The following RIMS1 variants were observed in gnomAD, a reference collection of about 807,000 sequenced individuals.
The protein encoded by RIMS1 is regulating synaptic membrane exocytosis protein 1.
In RIMS1, 83 loss-of-function variants were observed where a neutral mutation model predicts 214.1. The observed-to-expected ratio is 0.39, with a 90% CI of 0.32 to 0.47. RIMS1 has a LOEUF of 0.47. RIMS1 is among the 20% of genes least tolerant of loss of function. RIMS1 has a pLI of 0.99. For synonymous variants in RIMS1, 793 were observed against 786.8 expected (o/e 1.01, Z -0.13); for missense variants, 2,050 against 2,161.8 (o/e 0.95, Z 1.03).
chr6:72,036,298 A>G (rs1252430530), intron 2 of RIMS1, among the ~76,000 whole-genome samples: 1 of 152,226 alleles, frequency 6.6e-6, no homozygotes, highest in Non-Finnish European at 1.5e-5. Context: ...AATATAATAC[A>G]GAAAGGCAAG....
intron 2 of RIMS1, among the ~76,000 whole-genome samples, chr6:72,044,853 T>C (rs917950364): frequency 1.3e-5 from 2 of 151,928 alleles, no homozygotes; most frequent in African/African-American, 4.8e-5. Context: ...AACTCTTAGA[T>C]ATTTAGCCAA....
intron 2 of RIMS1, among the ~76,000 whole-genome samples, chr6:72,089,578 G>A (rs1835614189): frequency 6.6e-6 from 1 of 152,000 alleles, no homozygotes; most frequent in South Asian, 2.1e-4. Context: ...CTCCTGAGTA[G>A]CTGGGTCTAC....
chr6:71,914,293 C>T (rs1480405008), intron 1 of RIMS1, among the ~76,000 whole-genome samples: 1 of 151,868 alleles, frequency 6.6e-6, no homozygotes, highest in African/African-American at 2.4e-5. Flanking sequence ...ACTTAGAATG[C>T]CAAACCAGAT....
chr6:72,166,306 T>G (rs2046258766), intron 4 of RIMS1, among the ~76,000 whole-genome samples: 1 of 151,248 alleles, frequency 6.6e-6, no homozygotes, highest in Non-Finnish European at 1.5e-5. Context: ...GTCTGTTTTT[T>G]TTTTTTTTTA....
In RIMS1 at chr6:72,196,595, T is replaced by TTTTTTTTTTTTTTTTG. The variant is rs2051005615; in HGVS notation, c.1678+13454_1678+13455insTTTTTTTGTTTTTTTT. Among the ~76,000 whole-genome samples, 2 of 132,544 alleles carry TTTTTTTTTTTTTTTTG rather than the reference T, an allele frequency of 1.5e-5. 1 individual carries two copies. Among genetic ancestry groups the TTTTTTTTTTTTTTTTG allele is most frequent in the African/African-American group, 5.5e-5 (2 of 36,504 alleles). 87.0% of individuals were successfully genotyped at this position (132,544 alleles called of 152,430 possible). ...GCCAGCTGCACTTTTTTTTTTTTTTTTTTTTTTTACCTATACAGGAAATGG... is the reference window on the plus strand; with the variant it reads ...GCCAGCTGCACTTTTTTTTTTTTTTTTTTTTTTTTTTTTTTGTTTTTTTTACCTATACAGGAAATGG... On this transcript the variant is annotated intron_variant, in intron 6 of 33. Transcript: ENST00000521978.
intron 6 of RIMS1, chr6:72,216,384 G>A: frequency 1.1e-6 from 1 of 925,346 alleles, no homozygotes. Context: ...AAACCTGTTT[G>A]AGGTTGTCCT....
chr6:71,932,006 G>A (rs1446374750), intron 1 of RIMS1, among the ~76,000 whole-genome samples: 1 of 152,150 alleles, frequency 6.6e-6, no homozygotes, highest in East Asian at 1.9e-4. Context: ...TGGATAAAAA[G>A]GAATGCTTAT....
intron 1 of RIMS1, among the ~76,000 whole-genome samples, chr6:71,938,734 G>T (rs1374500217): frequency 6.6e-6 from 1 of 152,140 alleles, no homozygotes; most frequent in Non-Finnish European, 1.5e-5. Flanking sequence ...GATGGGAGGG[G>T]CAACCTTGAA....
intron 4 of RIMS1, among the ~76,000 whole-genome samples, chr6:72,113,943 A>G (rs1311538354): frequency 1.3e-5 from 2 of 152,134 alleles, no homozygotes; most frequent in African/African-American, 4.8e-5. Flanking sequence ...GACACCAATA[A>G]TGTAACCTGT....
At chr6:72,075,964 T>A (rs569170034) in intron 2 of RIMS1, among the ~76,000 whole-genome samples, 2 of 152,348 alleles carry the variant, frequency 1.3e-5, no homozygotes, top group South Asian at 4.1e-4. Context: ...AAAAATTCTC[T>A]ATGAGTAAAT....
intron 4 of RIMS1, among the ~76,000 whole-genome samples, chr6:72,135,542 G>T (rs114153892): frequency 2.6e-3 from 390 of 152,226 alleles, no homozygotes; most frequent in African/African-American, 9.0e-3. Context: ...GCTTAGAATG[G>T]GCATCGGTGT....
intron 2 of RIMS1, among the ~76,000 whole-genome samples, chr6:71,977,494 T>C (rs1039370985): frequency 6.6e-6 from 1 of 151,904 alleles, no homozygotes; most frequent in Non-Finnish European, 1.5e-5. Flanking sequence ...AAGCTTGGAG[T>C]ATGGGAGGAG....
intron 2 of RIMS1, among the ~76,000 whole-genome samples, chr6:72,021,910 T>C (rs1814813499): frequency 6.6e-6 from 1 of 152,164 alleles, no homozygotes; most frequent in African/African-American, 2.4e-5. Context: ...ACATAGTACA[T>C]TGGCACGTAT....
chr6:71,960,212 A>G (rs922802413), intron 1 of RIMS1, among the ~76,000 whole-genome samples: 8 of 151,862 alleles, frequency 5.3e-5, no homozygotes, highest in African/African-American at 1.9e-4. Flanking sequence ...ACAATCTCTC[A>G]CCTCTCTCTC....
At position 72,234,803 on chromosome 6, in the gene RIMS1, A is replaced by G. The variant is rs866147359; in HGVS notation, c.1747-815A>G. Among the ~76,000 whole-genome samples, 9 of 152,018 alleles carry G rather than the reference A, an allele frequency of 5.9e-5. 1 individual carries two copies. The highest frequency in any genetic ancestry group is 3.8e-4 in the East Asian group (2 of 5,196). On this transcript the variant is annotated intron_variant, in intron 7 of 33. Transcript: ENST00000521978. Reference sequence around the variant, plus strand: ...AGTTTTTCCTTTTCCAGAATGTCACATGGTTAGAATCATACAGTTTATAGC... The same window carrying G: ...AGTTTTTCCTTTTCCAGAATGTCACGTGGTTAGAATCATACAGTTTATAGC...
intron 17 of RIMS1, 27 bp downstream of exon 17, chr6:72,258,308 C>T (rs1166980568): frequency 6.3e-7 from 1 of 1,591,242 alleles, no homozygotes; most frequent in Non-Finnish European, 8.6e-7. Flanking sequence ...GCTCAGTGTC[C>T]CTGACAGTAC....
intron 6 of RIMS1, among the ~76,000 whole-genome samples, chr6:72,204,548 C>T (rs935600149): frequency 6.6e-6 from 1 of 152,216 alleles, no homozygotes; most frequent in African/African-American, 2.4e-5. Flanking sequence ...TCCTCTATCT[C>T]TAGCTGTGAT....
At chr6:72,114,540 AT>A (rs956268837) in intron 4 of RIMS1, among the ~76,000 whole-genome samples, 25 of 151,792 alleles carry the variant, frequency 1.6e-4, no homozygotes, top group African/African-American at 2.4e-4. Flanking sequence ...GAAATATCAA[AT>A]TTTTTTTGTT....
chr6:72,247,411 T>G (rs2070578873), intron 11 of RIMS1, among the ~76,000 whole-genome samples: 1 of 151,916 alleles, frequency 6.6e-6, no homozygotes, highest in South Asian at 2.1e-4. Context: ...GGTGCATGCC[T>G]GTAATCCCAG....
Sources: allele counts gnomAD v4.1 joint callset (sites outside exome capture counted in the v4.1 genomes callset), GRCh38; gene constraint gnomAD v4.1.1; transcripts MANE v1.5; gene names NCBI Gene and HGNC (gene_info 2026-07-23, HGNC 2026-07-21).